Variants in KCNE2 observed in about 807,000 individuals in gnomAD.
The protein encoded by KCNE2 is potassium voltage-gated channel subfamily E regulatory subunit 2, also known as potassium voltage-gated channel subfamily E member 2.
KCNE2 carries 4 observed loss-of-function variants against 4.5 expected under a neutral mutation model. The observed-to-expected ratio is 0.89, with a 90% CI of 0.44 to 2.03. KCNE2 has a LOEUF of 2.03. KCNE2 is among the 30% of genes most tolerant of loss of function. The pLI is 0.03. For synonymous variants in KCNE2, 57 were observed against 55.9 expected (o/e 1.02, Z -0.09); for missense variants, 137 against 151.4 (o/e 0.90, Z 0.50).
intron 1 of KCNE2, among the ~76,000 whole-genome samples, chr21:34,368,579 G>A (rs1603061316): frequency 6.6e-6 from 1 of 152,188 alleles, no homozygotes; most frequent in East Asian, 1.9e-4. Context: ...CAGCCTGGGT[G>A]ACAGAGCGAG....
In KCNE2 at chr21:34,370,462, T is replaced by C; in HGVS notation, c.-12-5T>C. 1 of 1,614,234 alleles carries C rather than the reference T, an allele frequency of 6.2e-7. No homozygotes were observed. The highest frequency in any genetic ancestry group is 8.5e-7 in the Non-Finnish European group (1 of 1,180,032). On this transcript the variant is annotated splice_polypyrimidine_tract_variant and splice_region_variant and intron_variant, in intron 1 of 1. Transcript: ENST00000290310. ...TGTTCGCCTATTTTATTATTTAAAT[T>C]GCAGCAGGAGGGAAGCATGTCTACT... is the stretch of plus-strand genomic sequence containing the variant.
chr21:34,369,205 C>G (rs537376389), intron 1 of KCNE2, among the ~76,000 whole-genome samples: 1 of 152,218 alleles, frequency 6.6e-6, no homozygotes, highest in South Asian at 2.1e-4. Flanking sequence ...TTAAGAACAA[C>G]CATCGCATCA....
In KCNE2 at chr21:34,370,349, G is replaced by A. The variant is rs1603062675; in HGVS notation, c.-12-118G>A. 9 of 1,218,618 alleles carry A rather than the reference G, an allele frequency of 7.4e-6. No individual in the cohort carries two copies. The East Asian group carries it at 2.1e-4, about 28-fold the overall frequency. 75.5% of individuals were successfully genotyped at this position (1,218,618 alleles called of 1,614,324 possible). ...AAATATGCATTAAATCACCAGCCAG[G>A]TTAAGAAGAAATACTATTACTTATA... On this transcript the variant is annotated intron_variant, in intron 1 of 1. Coordinates refer to ENST00000290310, the MANE Select transcript of KCNE2 (RefSeq NM_172201.2).
rs142281249 is a variant in KCNE2 at position 34,367,113 on chromosome 21, T to C, written c.-13+2962T>C. On this transcript the variant is annotated intron_variant, in intron 1 of 1. Transcript: ENST00000290310. Reference sequence around the variant, plus strand: ...ATGGATTGGTAACAACCGGCTGGGCTTCCTACAAGAGAAAAAGACTATACT... The same window carrying C: ...ATGGATTGGTAACAACCGGCTGGGCCTCCTACAAGAGAAAAAGACTATACT... 2.5e-4 allele frequency among the ~76,000 whole-genome samples: 37 copies of C among 147,870 alleles called. 3 individuals carry two copies. In the East Asian group the frequency reaches 7.3e-3, roughly 29 times the overall value.
chr21:34,364,997 C>G (rs75101266), intron 1 of KCNE2, among the ~76,000 whole-genome samples: 19,478 of 152,172 alleles, frequency 0.13, 1,374 homozygotes, highest in Admixed American at 0.15. Flanking sequence ...GTTGAGCCAA[C>G]TGGTCACAGC....
intron 1 of KCNE2, among the ~76,000 whole-genome samples, chr21:34,365,078 G>C (rs1335495939): frequency 6.6e-6 from 1 of 152,192 alleles, no homozygotes; most frequent in Non-Finnish European, 1.5e-5. Flanking sequence ...TGGCTTGGGT[G>C]ATGTGAGTTC....
At chr21:34,368,586 C>T (rs931411463) in intron 1 of KCNE2, among the ~76,000 whole-genome samples, 6 of 152,044 alleles carry the variant, frequency 3.9e-5, no homozygotes, top group South Asian at 4.2e-4. Flanking sequence ...GGTGACAGAG[C>T]GAGACTCCGT....
In KCNE2 at chr21:34,369,775, A is replaced by G. The variant is rs186328566; in HGVS notation, c.-12-692A>G. Among the ~76,000 whole-genome samples the G allele has an allele frequency of 6.5e-4, 99 of 152,310 alleles. No individual in the cohort carries two copies. In the East Asian group the frequency reaches 0.016, roughly 25 times the overall value. On this transcript the variant is annotated intron_variant, in intron 1 of 1. Transcript: ENST00000290310. Reference sequence around the variant, plus strand: ...TTGTTTCTTGGCATCACTTACCTAAAATGCTTCTTTCAAATATAGATGTAC... The same window carrying G: ...TTGTTTCTTGGCATCACTTACCTAAGATGCTTCTTTCAAATATAGATGTAC...
In KCNE2 at chr21:34,369,819, T is replaced by C. The variant is rs1359463366; in HGVS notation, c.-12-648T>C. On this transcript the variant is annotated intron_variant, in intron 1 of 1. Coordinates refer to ENST00000290310, the MANE Select transcript of KCNE2 (RefSeq NM_172201.2). ...GATGTACACACCCCTCCCTTTAGGA[T>C]ACTTGGGACAATGTGCCACTTAGAC... Among the ~76,000 whole-genome samples the C allele has an allele frequency of 2.6e-5, 4 of 152,362 alleles. No individual in the cohort carries two copies. The East Asian group carries it at 7.7e-4, about 29-fold the overall frequency.
chr21:34,365,798 A>G (rs1221114581), intron 1 of KCNE2, among the ~76,000 whole-genome samples: 2 of 152,270 alleles, frequency 1.3e-5, no homozygotes, highest in Non-Finnish European at 2.9e-5. Flanking sequence ...CAACCCACTT[A>G]TAATTGGAAT....
intron 1 of KCNE2, among the ~76,000 whole-genome samples, chr21:34,368,394 A>G (rs1290700843): frequency 6.6e-6 from 1 of 151,520 alleles, no homozygotes; most frequent in Non-Finnish European, 1.5e-5. Context: ...AGGTCACGAG[A>G]TCGAGACCAT....
At chr21:34,365,507 C>G (rs1979253021) in intron 1 of KCNE2, among the ~76,000 whole-genome samples, 1 of 152,176 alleles carries the variant, frequency 6.6e-6, no homozygotes, top group South Asian at 2.1e-4. Context: ...CTTACTGCAG[C>G]CTTGACCTCC....
At chr21:34,366,927 C>T (rs1393491882) in intron 1 of KCNE2, among the ~76,000 whole-genome samples, 2 of 126,402 alleles carry the variant, frequency 1.6e-5, no homozygotes, top group Non-Finnish European at 3.1e-5. Flanking sequence ...TGCAGTAAGC[C>T]GAGATCGCGC....
intron 1 of KCNE2, among the ~76,000 whole-genome samples, chr21:34,369,554 A>T (rs1041151882): frequency 2.6e-5 from 4 of 151,676 alleles, no homozygotes; most frequent in Non-Finnish European, 4.4e-5. Context: ...CGTCTTAAGA[A>T]AAAAAAAAGG....
chr21:34,371,098 C>A lies in KCNE2; in HGVS notation c.*248C>A. ...TTTTACTTTCCGGGCAAGTGAATGTCATTTTAATCAATATCAATGATGAAA... is the reference window on the plus strand; with the variant it reads ...TTTTACTTTCCGGGCAAGTGAATGTAATTTTAATCAATATCAATGATGAAA... On this transcript the variant is annotated 3_prime_UTR_variant, in exon 2 of 2. Coordinates refer to ENST00000290310, the MANE Select transcript of KCNE2 (RefSeq NM_172201.2). 1 of 552,886 alleles carries A rather than the reference C, an allele frequency of 1.8e-6. No individual in the cohort carries two copies. The highest frequency in any genetic ancestry group is 3.3e-6 in the Non-Finnish European group (1 of 303,810). The allele number at this position is 552,886 out of a possible 1,614,324, so 34.2% of individuals were successfully genotyped here. A position where few individuals can be genotyped will look rare whatever the true frequency, so the allele number is the denominator to read the frequency against.
intron 1 of KCNE2, among the ~76,000 whole-genome samples, chr21:34,369,630 G>A (rs770815173): frequency 1.3e-5 from 2 of 152,214 alleles, no homozygotes; most frequent in Non-Finnish European, 2.9e-5. Context: ...CTCTGGGGAG[G>A]GTTGTGTTGT....
chr21:34,367,902 A>G (rs1979378672), intron 1 of KCNE2, among the ~76,000 whole-genome samples: 1 of 151,970 alleles, frequency 6.6e-6, no homozygotes, highest in African/African-American at 2.4e-5. Context: ...CACTTGCCCC[A>G]TCTATGAACC....
chr21:34,368,249 TA>T (rs1568812514), intron 1 of KCNE2, among the ~76,000 whole-genome samples: 1 of 102,664 alleles, frequency 9.7e-6, no homozygotes, highest in African/African-American at 4.8e-5. Flanking sequence ...TATATATATA[TA>T]TATATATATA....
At chr21:34,368,696 C>T (rs1000599558) in intron 1 of KCNE2, among the ~76,000 whole-genome samples, 16 of 152,154 alleles carry the variant, frequency 1.1e-4, no homozygotes, top group African/African-American at 1.9e-4. Flanking sequence ...AAAAAGCACA[C>T]GTATATAATT....
Sources: gnomAD v4.1 joint callset for allele counts (sites outside exome capture counted in the v4.1 genomes callset) on GRCh38, gnomAD v4.1.1 for gene constraint, MANE v1.5 for transcripts, NCBI Gene and HGNC (gene_info 2026-07-23, HGNC 2026-07-21) for gene names.